Variants in IL23R observed in about 807,000 individuals in gnomAD.
IL23R encodes the protein interleukin 23 receptor.
Under a neutral mutation model 56.9 loss-of-function variants are expected in IL23R, and 34 were observed. That is an observed-to-expected ratio of 0.60 (90% confidence interval 0.45 to 0.80). The LOEUF (loss-of-function observed/expected upper bound fraction) is 0.80, where lower values mean the gene tolerates loss of function less well. Ranked by LOEUF, IL23R falls within the 30% of genes least tolerant of loss-of-function variation. IL23R has a pLI of 0.00. For synonymous variants in IL23R, 230 were observed against 249.2 expected (o/e 0.92, Z 0.73); for missense variants, 635 against 730.0 (o/e 0.87, Z 1.50).
intron 5 of IL23R, among the ~76,000 whole-genome samples, chr1:67,201,599 G>A (rs1648642919): frequency 6.7e-6 from 1 of 149,584 alleles, no homozygotes; most frequent in Admixed American, 6.7e-5. Context: ...AAAGTTTGTT[G>A]AGTCTTACGT....
intron 4 of IL23R, among the ~76,000 whole-genome samples, chr1:67,189,814 C>T (rs1322065556): frequency 2.0e-5 from 3 of 152,020 alleles, no homozygotes; most frequent in African/African-American, 7.2e-5. Flanking sequence ...CAAAAACTAG[C>T]CAGGCGTGTT....
intron 7 of IL23R, among the ~76,000 whole-genome samples, chr1:67,225,402 A>G (rs1199742572): frequency 6.6e-6 from 1 of 152,206 alleles, no homozygotes; most frequent in Non-Finnish European, 1.5e-5. Flanking sequence ...CTTAGCCAAG[A>G]CAGGACCATC....
At chr1:67,214,344 A>G (rs1324655106) in intron 6 of IL23R, among the ~76,000 whole-genome samples, 1 of 152,240 alleles carries the variant, frequency 6.6e-6, no homozygotes, top group Non-Finnish European at 1.5e-5. Flanking sequence ...AGAGGCACTC[A>G]GTTACTGATG....
downstream of IL23R, among the ~76,000 whole-genome samples, chr1:67,261,522 T>C (rs973040676): frequency 4.6e-5 from 7 of 152,044 alleles, no homozygotes; most frequent in Non-Finnish European, 8.8e-5. Flanking sequence ...TTTTTTGTAC[T>C]TTGCATATTC....
upstream of IL23R, among the ~76,000 whole-genome samples, chr1:67,166,051 T>A (rs1646870711): frequency 6.6e-6 from 1 of 152,208 alleles, no homozygotes; most frequent in South Asian, 2.1e-4. Flanking sequence ...TATCAAATCA[T>A]CATGTTGTAT....
intron 7 of IL23R, among the ~76,000 whole-genome samples, chr1:67,235,830 A>G (rs1046308419): frequency 5.9e-5 from 9 of 152,136 alleles, no homozygotes; most frequent in African/African-American, 1.7e-4. Context: ...TCAAGTTGTG[A>G]TTTCTCCCTG....
chr1:67,222,741 G>A (rs1217096083), intron 7 of IL23R, among the ~76,000 whole-genome samples: 1 of 152,086 alleles, frequency 6.6e-6, no homozygotes, highest in Non-Finnish European at 1.5e-5. Flanking sequence ...CATTGCTGGT[G>A]GGTAATGACA....
intron 1 of IL23R, among the ~76,000 whole-genome samples, chr1:67,156,505 C>G (rs115883828): frequency 6.6e-6 from 1 of 152,154 alleles, no homozygotes; most frequent in East Asian, 1.9e-4. Context: ...TGCAAAGATG[C>G]CTTGCCCAGT....
At chr1:67,201,038 C>T (rs1255134745) in intron 5 of IL23R, 141 bp downstream of exon 5, 3 of 811,000 alleles carry the variant, frequency 3.7e-6, no homozygotes, top group African/African-American at 1.7e-5. Flanking sequence ...CATAATTCTA[C>T]CTGCCCAAGA....
chr1:67,140,201 C>T (rs1350202413), intron 1 of IL23R, among the ~76,000 whole-genome samples: 1 of 152,164 alleles, frequency 6.6e-6, no homozygotes, highest in Non-Finnish European at 1.5e-5. Flanking sequence ...TCTTGCAAGG[C>T]TTCACTTACT....
chr1:67,215,511 T>C (rs1187594677), intron 6 of IL23R, among the ~76,000 whole-genome samples: 1 of 152,204 alleles, frequency 6.6e-6, no homozygotes, highest in Non-Finnish European at 1.5e-5. Context: ...AATCCTCTGC[T>C]TATATCAGGC....
At chr1:67,198,477 C>G (rs1648344709) in intron 4 of IL23R, among the ~76,000 whole-genome samples, 1 of 152,238 alleles carries the variant, frequency 6.6e-6, no homozygotes, top group African/African-American at 2.4e-5. Context: ...TGGATATTCT[C>G]ATTCAATTAT....
intron 6 of IL23R, among the ~76,000 whole-genome samples, chr1:67,219,335 T>G (rs911124750): frequency 6.6e-6 from 1 of 152,108 alleles, no homozygotes; most frequent in African/African-American, 2.4e-5. Flanking sequence ...GCCACCGCAC[T>G]CCAGCCTGGG....
At chr1:67,200,542 GC>G (rs1648547050) in intron 4 of IL23R, among the ~76,000 whole-genome samples, 194 bp from the exon 5 acceptor site, 1 of 151,458 alleles carries the variant, frequency 6.6e-6, no homozygotes, top group Non-Finnish European at 1.5e-5. Flanking sequence ...ACAGGCACAT[GC>G]CACCAATTAT....
At chr1:67,262,440 T>C (rs1653225861), downstream of IL23R, among the ~76,000 whole-genome samples, 1 of 152,200 alleles carries the variant, frequency 6.6e-6, no homozygotes, top group African/African-American at 2.4e-5. Context: ...CACTTTACAC[T>C]GGGTGGTCAG....
chr1:67,237,034 A>T (rs1243786253), intron 8 of IL23R, among the ~76,000 whole-genome samples: 1 of 152,002 alleles, frequency 6.6e-6, no homozygotes, highest in Admixed American at 6.6e-5. Flanking sequence ...ATTTTTTAAA[A>T]TTTTTATTTA....
At chr1:67,253,385 G>C (rs1187509993) in intron 9 of IL23R, among the ~76,000 whole-genome samples, 2 of 152,174 alleles carry the variant, frequency 1.3e-5, no homozygotes, top group African/African-American at 4.8e-5. Context: ...AGAGTTGTTT[G>C]GTGTGGCAGT....
chr1:67,177,261 A>G (rs1456318286), intron 3 of IL23R, among the ~76,000 whole-genome samples: 1 of 152,098 alleles, frequency 6.6e-6, no homozygotes, highest in Non-Finnish European at 1.5e-5. Context: ...CTATTTCTCC[A>G]CATCCTCTCC....
At chr1:67,222,884 T>C (rs1299740422) in intron 7 of IL23R, among the ~76,000 whole-genome samples, 1 of 152,168 alleles carries the variant, frequency 6.6e-6, no homozygotes, top group East Asian at 1.9e-4. Flanking sequence ...GCAATTTCAT[T>C]CTTTAATTTC....
Sources: gnomAD v4.1 joint callset for allele counts (sites outside exome capture counted in the v4.1 genomes callset) on GRCh38, gnomAD v4.1.1 for gene constraint, MANE v1.5 for transcripts, NCBI Gene and HGNC (gene_info 2026-07-23, HGNC 2026-07-21) for gene names.